The following TSLP variants were observed in gnomAD, a reference collection of about 807,000 sequenced individuals.
The protein encoded by TSLP is thymic stromal lymphopoietin, also known as thymic stroma-derived lymphopoietin.
In TSLP, 12 loss-of-function variants were observed where a neutral mutation model predicts 12.4. The observed-to-expected ratio is 0.97, with a 90% CI of 0.62 to 1.57. The LOEUF (loss-of-function observed/expected upper bound fraction) is 1.57. Among genes scored for constraint, TSLP ranks in the 40% most tolerant of loss-of-function variants. The pLI is 0.00. For missense variants in TSLP, 222 were observed against 189.6 expected (o/e 1.17, Z -1.00); for synonymous variants, 97 against 69.5 (o/e 1.40, Z -1.97).
At position 111,073,569 on chromosome 5, in the gene TSLP, C is replaced by A; in HGVS notation, c.275C>A (p.Ser92Ter). Residue 92 changes from serine (S) to a stop codon, truncating the protein, a stop_gained, in exon 3 of 4, where the codon TCG becomes TAG. Transcript: ENST00000344895. LOFTEE classifies it high-confidence loss of function. Reference protein sequence around the residue: ...LTFNPTAGCASLAKEMFAMKT... With the variant: ...LTFNPTAGCA Reference sequence around the variant, plus strand: ...TTCAATCCCACCGCCGGCTGCGCGTCGCTCGCCAAAGAAATGTTCGCCATG... The same window carrying A: ...TTCAATCCCACCGCCGGCTGCGCGTAGCTCGCCAAAGAAATGTTCGCCATG... 6.2e-7 allele frequency: 1 copy of A among 1,614,146 alleles called. No individual in the cohort carries two copies. Among genetic ancestry groups the A allele is most frequent in the Non-Finnish European group, 8.5e-7 (1 of 1,180,044 alleles).
chr5:111,073,430 C>T (rs375842016), intron 2 of TSLP, 81 bp from the exon 3 acceptor site: 2 of 1,592,744 alleles, frequency 1.3e-6, no homozygotes, highest in Non-Finnish European at 1.7e-6. Context: ...TTCCTCCCCT[C>T]CCCTTTCACT....
At chr5:111,071,497 G>A, upstream of TSLP, 1 of 1,547,374 alleles carries the variant, frequency 6.5e-7, no homozygotes, top group Admixed American at 2.0e-5. Flanking sequence ...AAGTGTTTAG[G>A]GCAAAGCAAA....
At chr5:111,073,212 C>T in intron 2 of TSLP, 1 of 1,217,274 alleles carries the variant, frequency 8.2e-7, no homozygotes, top group African/African-American at 1.5e-5. Flanking sequence ...TGGGGTCCGG[C>T]GCCTCCGCGC....
chr5:111,072,641 T>C (rs547089005), intron 1 of TSLP, among the ~76,000 whole-genome samples: 2 of 152,206 alleles, frequency 1.3e-5, no homozygotes, highest in East Asian at 1.9e-4. Flanking sequence ...CTATGTGCAG[T>C]TATGGCTTGA....
At position 111,076,706 on chromosome 5, in the gene TSLP, T is replaced by C. The variant is rs1371726164; in HGVS notation, c.*632T>C. On this transcript the variant is annotated 3_prime_UTR_variant, in exon 4 of 4. Transcript: ENST00000344895. Reference sequence around the variant, plus strand: ...TACATATAAATTATAGAATCTACTTTAATTTATTTTGTGAACACTTTTGAA... The same window carrying C: ...TACATATAAATTATAGAATCTACTTCAATTTATTTTGTGAACACTTTTGAA... 6.6e-6 allele frequency: 1 copy of C among 152,158 alleles called. No individual in the cohort carries two copies. Among genetic ancestry groups the C allele is most frequent in the Non-Finnish European group, 1.5e-5 (1 of 67,998 alleles). 9.4% of individuals were successfully genotyped at this position (152,158 alleles called of 1,614,324 possible).
At chr5:111,075,770 G>A (rs570036552) in intron 3 of TSLP, among the ~76,000 whole-genome samples, 176 bp from the exon 4 acceptor site, 1 of 152,092 alleles carries the variant, frequency 6.6e-6, no homozygotes, top group Non-Finnish European at 1.5e-5. Flanking sequence ...AAAGTAGGTG[G>A]GTACAGAAAC....
chr5:111,071,956 T>G lies in TSLP; in HGVS notation c.66T>G (p.Leu22=), dbSNP rs1461443658. The change falls in exon 1 of 4, where the codon CTT becomes CTG. Residue 22 remains leucine (L), a synonymous_variant. Transcript: ENST00000344895. ...TCAGGAAAATCTTCATCTTACAACT[T>G]GTAGGGCTGGTGTTAACTTACGACT... is the stretch of plus-strand genomic sequence containing the variant. The part of the protein sequence containing the change: ...VSFRKIFILQ[L]VGLVLTYDFT... 1 of 1,614,246 alleles carries G rather than the reference T, an allele frequency of 6.2e-7. No homozygotes were observed. The highest frequency in any genetic ancestry group is 1.7e-5 in the Admixed American group (1 of 60,034).
upstream of TSLP, chr5:111,071,680 G>A (rs1200756986): frequency 2.4e-6 from 3 of 1,274,120 alleles, no homozygotes; most frequent in Admixed American, 2.8e-5. Context: ...AGGCGTTTAG[G>A]TGTTATATAG....
At position 111,077,427 on chromosome 5, in the gene TSLP, C is replaced by G. The variant is rs1237951171; in HGVS notation, c.*1353C>G. 4.6e-5 allele frequency: 7 copies of G among 152,220 alleles called. No individual in the cohort carries two copies. Among genetic ancestry groups the G allele is most frequent in the Admixed American group, 1.3e-4 (2 of 15,290 alleles). 9.4% of individuals were successfully genotyped at this position (152,220 alleles called of 1,614,324 possible). On this transcript the variant is annotated 3_prime_UTR_variant, in exon 4 of 4. Transcript: ENST00000344895. Reference sequence around the variant, plus strand: ...GATAGAAAAGTAGGTAAGACTCAGCCTTTGTCCAGAGAAGCTCAGGGTATA... The same window carrying G: ...GATAGAAAAGTAGGTAAGACTCAGCGTTTGTCCAGAGAAGCTCAGGGTATA...
chr5:111,070,726 C>T (rs536616188), upstream of TSLP: 1 of 152,428 alleles, frequency 6.6e-6, no homozygotes, highest in South Asian at 2.1e-4. Flanking sequence ...CGATGCTTCT[C>T]CTGTCTCTAA....
At position 111,077,397 on chromosome 5, in the gene TSLP, A is replaced by G. The variant is rs1459467389; in HGVS notation, c.*1323A>G. 1 of 152,228 alleles carries G rather than the reference A, an allele frequency of 6.6e-6. No individual in the cohort carries two copies. The highest frequency in any genetic ancestry group is 1.5e-5 in the Non-Finnish European group (1 of 68,046). 9.4% of individuals were successfully genotyped at this position (152,228 alleles called of 1,614,324 possible). A position where few individuals can be genotyped will look rare whatever the true frequency, so the allele number is the denominator to read the frequency against. On this transcript the variant is annotated 3_prime_UTR_variant, in exon 4 of 4. Coordinates refer to ENST00000344895, the MANE Select transcript of TSLP (RefSeq NM_033035.5). Reference sequence around the variant, plus strand: ...TGTGGAACAAGCCTTCAGCCAAACAATGGGGATAGAAAAGTAGGTAAGACT... The same window carrying G: ...TGTGGAACAAGCCTTCAGCCAAACAGTGGGGATAGAAAAGTAGGTAAGACT...
rs1224346375 is a variant in TSLP, at chr5:111,078,024, T to C, written c.*1950T>C. ...TCAATAAAAAGGAAGTTGCAAATTG[T>C]GATTTAAGCATATAAAGTTGGTTAT... is the stretch of plus-strand genomic sequence containing the variant. On this transcript the variant is annotated 3_prime_UTR_variant, in exon 4 of 4. Transcript: ENST00000344895. 6.6e-6 allele frequency: 1 copy of C among 152,616 alleles called. No homozygotes were observed. The highest frequency in any genetic ancestry group is 6.5e-5 in the Admixed American group (1 of 15,286). The allele number at this position is 152,616 out of a possible 1,614,324, so 9.5% of individuals were successfully genotyped here.
chr5:111,072,390 AAG>A (rs1207557224), intron 1 of TSLP, among the ~76,000 whole-genome samples: 1 of 152,166 alleles, frequency 6.6e-6, no homozygotes, highest in Non-Finnish European at 1.5e-5. Context: ...AGAGGAGTAA[AAG>A]AGATAATTCT....
At position 111,072,118 on chromosome 5, in the gene TSLP, A is replaced by G. The variant is rs1028280421; in HGVS notation, c.171+57A>G. 31 of 1,404,566 alleles carry G rather than the reference A, an allele frequency of 2.2e-5. No individual in the cohort carries two copies. In the African/African-American group the frequency reaches 3.3e-4, roughly 15 times the overall value. The allele number at this position is 1,404,566 out of a possible 1,614,324, so 87.0% of individuals were successfully genotyped here. ...ATTTTCATCAGAGGAGTCGGCATAC[A>G]CACACTCTACAATTTAACTTTGTAG... On this transcript the variant is annotated intron_variant, in intron 1 of 3. Coordinates refer to ENST00000344895, the MANE Select transcript of TSLP (RefSeq NM_033035.5).
In TSLP at chr5:111,077,056, C is replaced by T. The variant is rs1184974560; in HGVS notation, c.*982C>T. 3 of 152,134 alleles carry T rather than the reference C, an allele frequency of 2.0e-5. No individual in the cohort carries two copies. The highest frequency in any genetic ancestry group is 7.2e-5 in the African/African-American group (3 of 41,426). The allele number at this position is 152,134 out of a possible 1,614,324, so 9.4% of individuals were successfully genotyped here. ...GAACTTTCCTCACACCTGGAAGAAACAAAGTAGGAAAAAGTGAACAGGGGA... is the reference window on the plus strand; with the variant it reads ...GAACTTTCCTCACACCTGGAAGAAATAAAGTAGGAAAAAGTGAACAGGGGA... On this transcript the variant is annotated 3_prime_UTR_variant, in exon 4 of 4. Transcript: ENST00000344895.
chr5:111,071,625 G>C (rs1752339886), upstream of TSLP: 4 of 1,461,576 alleles, frequency 2.7e-6, no homozygotes, highest in African/African-American at 2.9e-5. Context: ...TAAAGGAAGA[G>C]AATGACATGG....
In TSLP at chr5:111,072,067, TGAA is replaced by T. The variant is rs773946082; in HGVS notation, c.171+11_171+13del. 4.3e-5 allele frequency: 69 copies of T among 1,599,868 alleles called. No individual in the cohort carries two copies. Among genetic ancestry groups the T allele is most frequent in the Non-Finnish European group, 5.5e-5 (64 of 1,169,830 alleles). ...TGATTACATATATGAGTGGGGTAAG[TGAA>T]GAAGCTTTTTTAAAACAAATGTATT... On this transcript the variant is annotated splice_region_variant and intron_variant, in intron 1 of 3. Transcript: ENST00000344895.
chr5:111,072,993 G>C, intron 2 of TSLP, 61 bp downstream of exon 2: 1 of 1,585,568 alleles, frequency 6.3e-7, no homozygotes, highest in Non-Finnish European at 8.7e-7. Context: ...TTTTGGAGAG[G>C]GAGTATCCTG....
intron 1 of TSLP, 71 bp from the exon 2 acceptor site, chr5:111,072,817 G>A: frequency 6.6e-7 from 1 of 1,504,904 alleles, no homozygotes; most frequent in Non-Finnish European, 9.3e-7. Flanking sequence ...TGGGAGCAAA[G>A]GGTGGAGGGA....
Sources: allele counts gnomAD v4.1 joint callset (sites outside exome capture counted in the v4.1 genomes callset), GRCh38; gene constraint gnomAD v4.1.1; transcripts MANE v1.5; gene names NCBI Gene and HGNC (gene_info 2026-07-23, HGNC 2026-07-21).